Variants in HSPG2 observed in about 807,000 individuals in gnomAD.
HSPG2 encodes basement membrane-specific heparan sulfate proteoglycan core protein.
In HSPG2, 278 loss-of-function variants were observed where a neutral mutation model predicts 526.6. That is an observed-to-expected ratio of 0.53 (90% confidence interval 0.48 to 0.58). HSPG2 has a LOEUF of 0.58. Ranked by LOEUF, HSPG2 falls within the 20% of genes least tolerant of loss-of-function variation. The pLI is 0.00. For missense variants in HSPG2, 5,354 were observed against 6,099.5 expected, an observed-to-expected ratio of 0.88 and a Z score of 4.07; for synonymous variants, 2,465 against 2,555.4, an observed-to-expected ratio of 0.96 and a Z score of 1.07.
chr1:21,838,165 A>G (rs2098034645), intron 74 of HSPG2, among the ~76,000 whole-genome samples: 1 of 150,428 alleles, frequency 6.6e-6, no homozygotes, highest in Non-Finnish European at 1.5e-5. Flanking sequence ...AAAAGAAAGA[A>G]ACTGAGGCTC....
At position 21,836,819 on chromosome 1, in the gene HSPG2, C is replaced by T. The variant is rs1247913416; in HGVS notation, c.10338G>A (p.Val3446=). ...CCACTCACCGGAGCACCCCATCCTG[C>T]ACGCTGTGACCCGGAGGCAGCTGAC... ...EGGQLPPGHS[V]QDGVLRIQNL... Residue 3446 remains valine, a synonymous_variant, in exon 75 of 97, where the codon GTG becomes GTA. Transcript: ENST00000374695. 6.4e-7 allele frequency: 1 copy of T among 1,568,906 alleles called. No individual in the cohort carries two copies. Among genetic ancestry groups the T allele is most frequent in the Non-Finnish European group, 8.6e-7 (1 of 1,160,164 alleles).
Position 21,839,749 on chromosome 1 carries a change from T to C in HSPG2, c.9709+73A>G, listed in dbSNP as rs1481608516. ...CCCTGGGCATGACATCATCTCTAGATCACATGTGTCTACATTTCAGACCCC... is the reference window on the plus strand; with the variant it reads ...CCCTGGGCATGACATCATCTCTAGACCACATGTGTCTACATTTCAGACCCC... On this transcript the variant is annotated intron_variant, in intron 72 of 96. Coordinates refer to ENST00000374695, the MANE Select transcript of HSPG2 (RefSeq NM_005529.7). This position sits in a 1 kb window ranked among gnomAD's most constrained non-coding sequence, Gnocchi z 4.5. The C allele has an allele frequency of 1.4e-5, 21 of 1,522,962 alleles. No individual in the cohort carries two copies. The highest frequency in any genetic ancestry group is 1.8e-5 in the Non-Finnish European group (20 of 1,108,404). 94.3% of individuals were successfully genotyped at this position (1,522,962 alleles called of 1,614,324 possible). A position where few individuals can be genotyped will look rare whatever the true frequency, so the allele number is the denominator to read the frequency against.
At chr1:21,891,868 C>A (rs1225084754) in intron 3 of HSPG2, among the ~76,000 whole-genome samples, 1 of 152,186 alleles carries the variant, frequency 6.6e-6, no homozygotes, top group Non-Finnish European at 1.5e-5. Flanking sequence ...ACTTTGGCCT[C>A]CCAAAGTACA....
rs1642891025 is a variant in HSPG2, at chr1:21,898,339, G to A, written c.64-2029C>T. Among the ~76,000 whole-genome samples the A allele has an allele frequency of 6.6e-6, 1 of 152,198 alleles. No homozygotes were observed. The highest frequency in any genetic ancestry group is 6.5e-5 in the Admixed American group (1 of 15,276). On this transcript the variant is annotated intron_variant, in intron 1 of 96. Transcript: ENST00000374695. The surrounding 1 kb of genome is among the most constrained non-coding windows in gnomAD (Gnocchi z 4.0). ...TAAAGCCCTTACCCCCAACAATCCA[G>A]CGGCAAATGTTGCCTCCTGTTCCTT...
chr1:21,831,667 G>T lies in HSPG2; in HGVS notation c.11337C>A (p.Val3779=). 6.2e-7 allele frequency: 1 copy of T among 1,606,626 alleles called. No homozygotes were observed. The highest frequency in any genetic ancestry group is 1.1e-5 in the South Asian group (1 of 90,038). The change falls in exon 82 of 97, where the codon GTC becomes GTA. Residue 3779 remains valine (V), a synonymous_variant. Transcript: ENST00000374695. ...TGGGTCTCACCTGGGAGGTCCCATT[G>T]ACCGGGGCCAGGTCACCCACAATCA... ...GSLIVGDLAP[V]NGTSQGKFQG... is the part of the protein sequence containing the mutation.
intron 76 of HSPG2, 86 bp downstream of exon 76, chr1:21,835,454 A>T: frequency 1.1e-6 from 1 of 879,894 alleles, no homozygotes; most frequent in Non-Finnish European, 1.9e-6. Context: ...GGGGATTCCT[A>T]GGGAACAGGG....
At chr1:21,838,460 C>G (rs1381941582) in intron 74 of HSPG2, among the ~76,000 whole-genome samples, 1 of 152,390 alleles carries the variant, frequency 6.6e-6, no homozygotes, top group Non-Finnish European at 1.5e-5. Context: ...CATCCTGGGC[C>G]TTGTTGCCCT....
chr1:21,924,977 G>C (rs1036618092), intron 1 of HSPG2, among the ~76,000 whole-genome samples: 1 of 152,172 alleles, frequency 6.6e-6, no homozygotes, highest in African/African-American at 2.4e-5. Flanking sequence ...ACTTTGAGTT[G>C]TGTTGGGCAC....
At chr1:21,823,742 C>T in intron 95 of HSPG2, 23 bp from the exon 96 acceptor site, 2 of 1,597,094 alleles carry the variant, frequency 1.3e-6, no homozygotes, top group Non-Finnish European at 8.6e-7. Context: ...TGGGTCAGGC[C>T]CCTTTCCACA....
Position 21,857,068 on chromosome 1 carries a change from G to T in HSPG2, c.5522C>A (p.Thr1841Asn). The change falls in exon 44 of 97, where the codon ACC becomes AAC. Residue 1841 changes from threonine (T) to asparagine (N), a missense_variant. Transcript: ENST00000374695. ...GTCCATGGCAAACATGTTGGAGCCGGTGCACACGTAGGTGCCTGCATCACT... is the reference window on the plus strand; with the variant it reads ...GTCCATGGCAAACATGTTGGAGCCGTTGCACACGTAGGTGCCTGCATCACT... ...QLSDAGTYVC[T>N]GSNMFAMDQG... 1 of 1,614,188 alleles carries T rather than the reference G, an allele frequency of 6.2e-7. No individual in the cohort carries two copies. Among genetic ancestry groups the T allele is most frequent in the Non-Finnish European group, 8.5e-7 (1 of 1,180,042 alleles).
In HSPG2 at chr1:21,847,902, CCT is replaced by C. The variant is rs144222435; in HGVS notation, c.7873+54_7873+55del. ...GAGATAACAGTGATGGCACCGGGGA[CCT>C]CTCTGCCACCCTCTGCGCCACTTGT... On this transcript the variant is annotated intron_variant, in intron 60 of 96. Coordinates refer to ENST00000374695, the MANE Select transcript of HSPG2 (RefSeq NM_005529.7). The surrounding 1 kb of genome is among the most constrained non-coding windows in gnomAD (Gnocchi z 4.1). 1.8e-4 allele frequency: 298 copies of C among 1,613,772 alleles called. No homozygotes were observed. The East Asian group carries it at 6.6e-3, about 35-fold the overall frequency.
At chr1:21,913,174 C>T (rs1289853671) in intron 1 of HSPG2, among the ~76,000 whole-genome samples, 1 of 152,088 alleles carries the variant, frequency 6.6e-6, no homozygotes, top group Non-Finnish European at 1.5e-5. Context: ...CAAGGATTCT[C>T]AAAGGCCAGG....
At chr1:21,830,132 T>C in intron 85 of HSPG2, 41 bp from the exon 86 acceptor site, 1 of 1,492,364 alleles carries the variant, frequency 6.7e-7, no homozygotes, top group Non-Finnish European at 9.1e-7. Context: ...CGGAGGTGAC[T>C]CTGGAGGGAG....
chr1:21,837,064 C>T, intron 74 of HSPG2, 58 bp from the exon 75 acceptor site: 1 of 1,434,004 alleles, frequency 7.0e-7, no homozygotes. Context: ...CCCTGATGCC[C>T]CTCCAGGGAC....
At chr1:21,888,973 T>C (rs1394402772) in intron 6 of HSPG2, among the ~76,000 whole-genome samples, 1 of 152,222 alleles carries the variant, frequency 6.6e-6, no homozygotes, top group Non-Finnish European at 1.5e-5. Context: ...TCGCCCAGGC[T>C]GGAGTGCAGT....
rs571737999 is a variant in HSPG2, at chr1:21,874,636, G to C, written c.3508C>G (p.Pro1170Ala). The change falls in exon 27 of 97, where the codon CCA becomes GCA. Residue 1170 changes from proline to alanine, a missense_variant. Coordinates refer to ENST00000374695, the MANE Select transcript of HSPG2 (RefSeq NM_005529.7). ...SCHGHSEACE[P>A]ETGACQGCQH... ...CTTACCTGGCAGGCACCTGTTTCTG[G>C]CTCGCAGGCCTCTGAGTGGCCATGG... 1 of 1,613,762 alleles carries C rather than the reference G, an allele frequency of 6.2e-7. No individual in the cohort carries two copies. Among genetic ancestry groups the C allele is most frequent in the East Asian group, 2.2e-5 (1 of 44,874 alleles).
intron 1 of HSPG2, among the ~76,000 whole-genome samples, chr1:21,920,936 T>C (rs1644020772): frequency 6.6e-6 from 1 of 152,178 alleles, no homozygotes; most frequent in African/African-American, 2.4e-5. Flanking sequence ...GGGATCTGCC[T>C]ATGCCTCCTC....
intron 1 of HSPG2, among the ~76,000 whole-genome samples, chr1:21,929,686 GCCCA>G (rs1266296045): frequency 6.6e-6 from 1 of 150,466 alleles, no homozygotes; most frequent in Non-Finnish European, 1.5e-5. Context: ...TCCACCTCCT[GCCCA>G]CTCCTCCTGG....
At chr1:21,905,614 C>T (rs762745540) in intron 1 of HSPG2, among the ~76,000 whole-genome samples, 4 of 152,154 alleles carry the variant, frequency 2.6e-5, no homozygotes, top group Non-Finnish European at 4.4e-5. Flanking sequence ...TGGTGGCAGG[C>T]GCCTGTAATC....
Sources: gnomAD v4.1 joint callset for allele counts (sites outside exome capture counted in the v4.1 genomes callset) on GRCh38, gnomAD v4.1.1 for gene constraint, Gnocchi (gnomAD v3.1) non-coding constraint, MANE v1.5 for transcripts, NCBI Gene and HGNC (gene_info 2026-07-23, HGNC 2026-07-21) for gene names.